HNRNPR: variants seen among roughly 807,000 people sequenced by gnomAD.
The protein encoded by HNRNPR is heterogeneous nuclear ribonucleoprotein R.
Under a neutral mutation model 70.3 loss-of-function variants are expected in HNRNPR, and 4 were observed. The observed-to-expected ratio is 0.06, with a 90% CI of 0.03 to 0.13. The LOEUF is 0.13. Among genes scored for constraint, HNRNPR ranks in the 10% least tolerant of loss-of-function variants. HNRNPR has a pLI of 1.00. For synonymous variants in HNRNPR, 241 were observed against 267.6 expected (o/e 0.90, Z 0.97); for missense variants, 423 against 788.5 (o/e 0.54, Z 5.55).
At chr1:23,331,056 C>T (rs2148434976) in intron 5 of HNRNPR, among the ~76,000 whole-genome samples, 1 of 152,216 alleles carries the variant, frequency 6.6e-6, no homozygotes, top group South Asian at 2.1e-4. Flanking sequence ...TGAAACTTTC[C>T]ATTAGGACTT....
chr1:23,336,253 C>A (rs565537768), intron 4 of HNRNPR, among the ~76,000 whole-genome samples: 118 of 151,134 alleles, frequency 7.8e-4, no homozygotes, highest in African/African-American at 2.8e-3. Context: ...CAGTGAAACC[C>A]CGACTCTACC....
Position 23,313,556 on chromosome 1 carries a change from A to G in HNRNPR, c.1164T>C (p.Val388=), listed in dbSNP as rs1363391413. 6.5e-7 allele frequency: 1 copy of G among 1,547,786 alleles called. No homozygotes were observed. The part of the protein sequence containing the change: ...FVHFEDRGAA[V]KAMDEMNGKE... ...ACCAAAATTTCAAAATTCCTACCTT[A>G]ACAGCTGCTCCTCTGTCTTCAAAAT... The change falls in exon 9 of 11, where the codon GTT becomes GTC. Residue 388 remains valine (V), a synonymous_variant. Coordinates refer to ENST00000302271, the MANE Select transcript of HNRNPR (RefSeq NM_005826.5).
In HNRNPR at chr1:23,310,253, CAAT is replaced by C. The variant is rs1645278921; in HGVS notation, c.*198_*200del. The C allele has an allele frequency of 8.2e-6, 4 of 486,024 alleles. No individual in the cohort carries two copies. Among genetic ancestry groups the C allele is most frequent in the Admixed American group, 7.5e-5 (2 of 26,770 alleles). The allele number at this position is 486,024 out of a possible 1,614,324, so 30.1% of individuals were successfully genotyped here. A position where few individuals can be genotyped will look rare whatever the true frequency, so the allele number is the denominator to read the frequency against. ...CCAGAATAAGGGAACTCTGCAAGCC[CAAT>C]AATGTCCAAGAGCATTTATGAAAAG... On this transcript the variant is annotated 3_prime_UTR_variant, in exon 11 of 11. Coordinates refer to ENST00000302271, the MANE Select transcript of HNRNPR (RefSeq NM_005826.5). The surrounding 1 kb of genome is among the most constrained non-coding windows in gnomAD (Gnocchi z 6.0).
In HNRNPR at chr1:23,309,310, A is replaced by T. The variant is rs1645254085; in HGVS notation, c.*1144T>A. 6.6e-6 allele frequency: 1 copy of T among 152,138 alleles called. No homozygotes were observed. The highest frequency in any genetic ancestry group is 1.5e-5 in the Non-Finnish European group (1 of 67,984). 9.4% of individuals were successfully genotyped at this position (152,138 alleles called of 1,614,324 possible). A position where few individuals can be genotyped will look rare whatever the true frequency, so the allele number is the denominator to read the frequency against. ...GGTAGTCACGATCATTTTCACTAAA[A>T]CTAAAGTCCGCAGTGCAATTGACGC... On this transcript the variant is annotated 3_prime_UTR_variant, in exon 11 of 11. Coordinates refer to ENST00000302271, the MANE Select transcript of HNRNPR (RefSeq NM_005826.5).
intron 5 of HNRNPR, 51 bp downstream of exon 5, chr1:23,333,467 A>T: frequency 8.6e-7 from 1 of 1,163,380 alleles, no homozygotes; most frequent in Non-Finnish European, 1.3e-6. Flanking sequence ...ATAGTAGATA[A>T]AACACTTTCC....
intron 8 of HNRNPR, among the ~76,000 whole-genome samples, chr1:23,315,685 T>G (rs948258357): frequency 6.6e-6 from 1 of 152,218 alleles, no homozygotes; most frequent in Admixed American, 6.5e-5. Flanking sequence ...TACTTTTCTA[T>G]ATAACTTTTG....
chr1:23,327,995 C>CAAAAAAAAAAAAAA (rs11345105), intron 5 of HNRNPR, among the ~76,000 whole-genome samples: 1 of 118,732 alleles, frequency 8.4e-6, no homozygotes, highest in Non-Finnish European at 1.7e-5. Flanking sequence ...GACTCTGTCT[C>CAAAAAAAAAAAAAA]AAAAAAAAAA....
chr1:23,322,802 A>C (rs752931448), intron 6 of HNRNPR, among the ~76,000 whole-genome samples: 4 of 152,198 alleles, frequency 2.6e-5, no homozygotes, highest in African/African-American at 7.2e-5. Context: ...GGTCCTCAGA[A>C]GTCAGGCAAG....
At chr1:23,315,556 T>C (rs1028813119) in intron 8 of HNRNPR, among the ~76,000 whole-genome samples, 17 of 152,172 alleles carry the variant, frequency 1.1e-4, no homozygotes, top group Admixed American at 9.2e-4. Context: ...AGTATATCCA[T>C]ATTTGCCGAA....
At chr1:23,315,634 T>A (rs778928165) in intron 8 of HNRNPR, among the ~76,000 whole-genome samples, 1 of 152,170 alleles carries the variant, frequency 6.6e-6, no homozygotes, top group Non-Finnish European at 1.5e-5. Flanking sequence ...GGGGATTTGG[T>A]AGACACAGGG....
At chr1:23,339,775 C>G (rs952087416) in intron 2 of HNRNPR, among the ~76,000 whole-genome samples, 3 of 152,048 alleles carry the variant, frequency 2.0e-5, no homozygotes, top group Non-Finnish European at 4.4e-5. Context: ...TACCACCACC[C>G]GAAGCCACAA....
intron 5 of HNRNPR, among the ~76,000 whole-genome samples, chr1:23,324,585 A>G (rs1170444043): frequency 6.6e-6 from 1 of 152,032 alleles, no homozygotes; most frequent in Non-Finnish European, 1.5e-5. Flanking sequence ...ATAAATAAAT[A>G]AATAAAAAGC....
chr1:23,322,176 T>TA (rs1645786238), intron 6 of HNRNPR, among the ~76,000 whole-genome samples: 2 of 152,104 alleles, frequency 1.3e-5, no homozygotes, highest in African/African-American at 4.8e-5. Flanking sequence ...CAAAATTTTA[T>TA]AAAATTTTGA....
intron 2 of HNRNPR, 138 bp downstream of exon 2, chr1:23,340,714 C>A: frequency 1.4e-6 from 1 of 694,560 alleles, no homozygotes; most frequent in Non-Finnish European, 2.3e-6. Flanking sequence ...AATATGCCTT[C>A]AATGAAGGGA....
At chr1:23,323,816 T>C (rs1645851237) in intron 5 of HNRNPR, 84 bp from the exon 6 acceptor site, 1 of 1,049,030 alleles carries the variant, frequency 9.5e-7, no homozygotes, top group Non-Finnish European at 1.5e-6. Context: ...TTTTTAAAGA[T>C]GGGGGCAGAA....
intron 1 of HNRNPR, 44 bp from the exon 2 acceptor site, chr1:23,341,061 T>A: frequency 4.7e-6 from 7 of 1,487,586 alleles, no homozygotes; most frequent in Non-Finnish European, 6.5e-6. Context: ...AAGCCAGAAA[T>A]AACTAGTTTG....
chr1:23,337,873 A>G lies in HNRNPR; in HGVS notation c.277-12T>C, dbSNP rs1381934316. 1 of 1,479,298 alleles carries G rather than the reference A, an allele frequency of 6.8e-7. No individual in the cohort carries two copies. The highest frequency in any genetic ancestry group is 2.3e-5 in the East Asian group (1 of 44,008). The allele number at this position is 1,479,298 out of a possible 1,614,324, so 91.6% of individuals were successfully genotyped here. A position where few individuals can be genotyped will look rare whatever the true frequency, so the allele number is the denominator to read the frequency against. On this transcript the variant is annotated splice_polypyrimidine_tract_variant and intron_variant, in intron 3 of 10. Coordinates refer to ENST00000302271, the MANE Select transcript of HNRNPR (RefSeq NM_005826.5). ...AATGCACTTTTGTTCTAGAACAGAC[A>G]AGTAATTCAATAAAAAGAATCACCA...
intron 8 of HNRNPR, among the ~76,000 whole-genome samples, chr1:23,316,164 A>G (rs961390346): frequency 6.6e-6 from 1 of 152,202 alleles, no homozygotes; most frequent in Non-Finnish European, 1.5e-5. Context: ...CAATTAGGAA[A>G]CAATAAAGGA....
intron 5 of HNRNPR, among the ~76,000 whole-genome samples, chr1:23,328,658 C>T (rs1646094947): frequency 6.6e-6 from 1 of 152,162 alleles, no homozygotes. Flanking sequence ...TGCCACCACG[C>T]CTGACTAATT....
Sources: allele counts gnomAD v4.1 joint callset (sites outside exome capture counted in the v4.1 genomes callset), GRCh38; gene constraint gnomAD v4.1.1; non-coding constraint Gnocchi (gnomAD v3.1); transcripts MANE v1.5; gene names NCBI Gene and HGNC (gene_info 2026-07-23, HGNC 2026-07-21).